The following PIK3R3 variants were observed in gnomAD, a reference collection of about 807,000 sequenced individuals.
PIK3R3 encodes the protein phosphatidylinositol 3-kinase regulatory subunit gamma.
In PIK3R3, 64 loss-of-function variants were observed where a neutral mutation model predicts 62.9. That is an observed-to-expected ratio of 1.02 (90% CI 0.83 to 1.25). PIK3R3 has a LOEUF of 1.25. Among genes scored for constraint, PIK3R3 ranks in the 50% most tolerant of loss-of-function variants. PIK3R3 has a pLI of 0.00. For missense variants in PIK3R3, 614 were observed against 561.6 expected, an observed-to-expected ratio of 1.09 and a Z score of -0.94; for synonymous variants, 165 against 189.0, an observed-to-expected ratio of 0.87 and a Z score of 1.04.
intron 1 of PIK3R3, among the ~76,000 whole-genome samples, chr1:46,098,428 C>A (rs1475959029): frequency 6.6e-6 from 1 of 152,120 alleles, no homozygotes; most frequent in East Asian, 1.9e-4. Context: ...TTCAAAATAG[C>A]TAAATGTGGA....
rs1655688277 is a variant in PIK3R3, at chr1:46,132,333, AG to A, written c.-382del. On this transcript the variant is annotated 5_prime_UTR_variant, in exon 1 of 10. Coordinates refer to ENST00000262741, the MANE Select transcript of PIK3R3 (RefSeq NM_003629.4). ...AAGCCACTTTTGTGTCCTTCGAAGG[AG>A]GGAGAATGAAGAGGAAAAAAAAGAA... The A allele has an allele frequency of 9.0e-7, 1 of 1,109,240 alleles. No individual in the cohort carries two copies. Among genetic ancestry groups the A allele is most frequent in the African/African-American group, 1.7e-5 (1 of 59,866 alleles). The allele number at this position is 1,109,240 out of a possible 1,614,324, so 68.7% of individuals were successfully genotyped here. A position where few individuals can be genotyped will look rare whatever the true frequency, so the allele number is the denominator to read the frequency against.
the PIK3R3 span, among the ~76,000 whole-genome samples, chr1:46,156,038 C>A: frequency 6.6e-6 from 1 of 151,976 alleles, no homozygotes; most frequent in Non-Finnish European, 1.5e-5. Context: ...TAGTAATGTA[C>A]ATGAAAAAGA....
At chr1:46,078,119 C>T (rs918706727) in intron 2 of PIK3R3, among the ~76,000 whole-genome samples, 5 of 152,054 alleles carry the variant, frequency 3.3e-5, no homozygotes, top group African/African-American at 7.3e-5. Flanking sequence ...AGGCACAACA[C>T]TAGAACACTT....
intron 6 of PIK3R3, chr1:46,056,617 G>C (rs2149385800): frequency 6.6e-6 from 1 of 152,298 alleles, no homozygotes; most frequent in South Asian, 2.1e-4. Context: ...ACATTTGCTA[G>C]AACTGTATTG....
At position 46,041,562 on chromosome 1, in the gene PIK3R3, C is replaced by G. The variant is rs1035473710; in HGVS notation, c.*2111G>C. On this transcript the variant is annotated 3_prime_UTR_variant, in exon 10 of 10. Coordinates refer to ENST00000262741, the MANE Select transcript of PIK3R3 (RefSeq NM_003629.4). ...ATTTTGGTTTAAAAGACACTCAGAA[C>G]ACACTGAAATTTTAGTACCAGATGG... 7.8e-5 allele frequency: 14 copies of G among 178,870 alleles called. 1 individual carries two copies. In the South Asian group the frequency reaches 1.8e-3, roughly 23 times the overall value. 11.1% of individuals were successfully genotyped at this position (178,870 alleles called of 1,614,324 possible).
intron 1 of PIK3R3, among the ~76,000 whole-genome samples, chr1:46,082,452 G>C (rs1327877093): frequency 1.3e-5 from 2 of 152,138 alleles, no homozygotes; most frequent in Non-Finnish European, 2.9e-5. Context: ...TGCTATTAAG[G>C]ACAACACTGC....
chr1:46,058,910 G>A (rs9429183), intron 6 of PIK3R3, among the ~76,000 whole-genome samples: 69,613 of 151,942 alleles, frequency 0.46, 16,091 homozygotes, highest in East Asian at 0.62. Flanking sequence ...AAAGGATTTG[G>A]GAGGGGCCAG....
intron 3 of PIK3R3, among the ~76,000 whole-genome samples, chr1:46,070,542 G>A (rs1649389305): frequency 6.6e-6 from 1 of 152,218 alleles, no homozygotes; most frequent in Non-Finnish European, 1.5e-5. Flanking sequence ...CAGGATGAAT[G>A]CATTGTGGAA....
At chr1:46,070,535 G>T (rs779026382) in intron 3 of PIK3R3, among the ~76,000 whole-genome samples, 1 of 152,230 alleles carries the variant, frequency 6.6e-6, no homozygotes, top group Non-Finnish European at 1.5e-5. Flanking sequence ...GAGGAAGCAG[G>T]ATGAATGCAT....
At chr1:46,119,513 C>T (rs1030668482) in intron 1 of PIK3R3, among the ~76,000 whole-genome samples, 8 of 152,108 alleles carry the variant, frequency 5.3e-5, no homozygotes, top group African/African-American at 9.7e-5. Context: ...TTCCAGAGAC[C>T]CCTCTCTTAA....
chr1:46,149,021 T>C, the PIK3R3 span, among the ~76,000 whole-genome samples: 1 of 152,086 alleles, frequency 6.6e-6, no homozygotes, highest in Non-Finnish European at 1.5e-5. Context: ...TAAAACAGGA[T>C]GCAGTAAAGA....
intron 1 of PIK3R3, among the ~76,000 whole-genome samples, chr1:46,118,117 T>C (rs1300696418): frequency 6.6e-6 from 1 of 152,062 alleles, no homozygotes; most frequent in African/African-American, 2.4e-5. Context: ...CATCAAAATA[T>C]ATATAAATAG....
intron 1 of PIK3R3, among the ~76,000 whole-genome samples, chr1:46,116,661 A>C (rs1654214554): frequency 1.4e-5 from 2 of 144,918 alleles, no homozygotes; most frequent in African/African-American, 5.1e-5. Context: ...AACTCCATCC[A>C]AAAAAAAAAA....
At chr1:46,092,940 G>A (rs1045965172) in intron 1 of PIK3R3, among the ~76,000 whole-genome samples, 4 of 151,720 alleles carry the variant, frequency 2.6e-5, no homozygotes, top group Admixed American at 1.3e-4. Context: ...TCTCTCTCTC[G>A]GCTAATAAAG....
chr1:46,167,258 G>T, the PIK3R3 span, among the ~76,000 whole-genome samples: 2 of 152,266 alleles, frequency 1.3e-5, no homozygotes, highest in Non-Finnish European at 1.5e-5. Context: ...CACAGCAGCC[G>T]CGAGAAGGCT....
chr1:46,112,708 C>T (rs1375325811), intron 1 of PIK3R3, among the ~76,000 whole-genome samples: 2 of 152,142 alleles, frequency 1.3e-5, no homozygotes, highest in African/African-American at 4.8e-5. Flanking sequence ...TCAGTAATAT[C>T]TGATTTACTA....
the PIK3R3 span, among the ~76,000 whole-genome samples, chr1:46,147,493 C>G: frequency 1.3e-5 from 2 of 152,262 alleles, no homozygotes; most frequent in South Asian, 4.1e-4. Flanking sequence ...TCTCGGCTCA[C>G]TACAAGCTCT....
At chr1:46,066,779 CCT>C in intron 4 of PIK3R3, 130 bp downstream of exon 4, 2 of 768,764 alleles carry the variant, frequency 2.6e-6, no homozygotes, top group Non-Finnish European at 4.4e-6. Context: ...CAACAGAGAC[CCT>C]GTCTCAAAGT....
chr1:46,166,025 C>T, the PIK3R3 span, among the ~76,000 whole-genome samples: 5 of 151,694 alleles, frequency 3.3e-5, no homozygotes, highest in South Asian at 2.1e-4. Context: ...TCGCCCGCCT[C>T]GGCCTCCCAA....
Sources: gnomAD v4.1 joint callset for allele counts (sites outside exome capture counted in the v4.1 genomes callset) on GRCh38, gnomAD v4.1.1 for gene constraint, MANE v1.5 for transcripts, NCBI Gene and HGNC (gene_info 2026-07-23, HGNC 2026-07-21) for gene names.